The following KHDRBS2 variants were observed in gnomAD, a reference collection of about 807,000 sequenced individuals.
KHDRBS2 encodes the protein KH RNA binding domain containing, signal transduction associated 2, also known as KH domain-containing, RNA-binding, signal transduction-associated protein 2.
In KHDRBS2, 26 loss-of-function variants were observed where a neutral mutation model predicts 44.3. The observed-to-expected ratio is 0.59, with a 90% CI of 0.43 to 0.81. The LOEUF (loss-of-function observed/expected upper bound fraction) is 0.81. Among genes scored for constraint, KHDRBS2 ranks in the 40% least tolerant of loss-of-function variants. The pLI is 0.00. For missense variants in KHDRBS2, 476 were observed against 433.1 expected, an observed-to-expected ratio of 1.10 and a Z score of -0.88; for synonymous variants, 194 against 151.1, an observed-to-expected ratio of 1.28 and a Z score of -2.08.
chr6:61,634,637 A>C, the KHDRBS2 span, among the ~76,000 whole-genome samples: 1 of 152,212 alleles, frequency 6.6e-6, no homozygotes, highest in Non-Finnish European at 1.5e-5. Flanking sequence ...TTATTTTAGG[A>C]AAGCATCTAC....
At chr6:61,850,935 G>T (rs1380860836) in intron 6 of KHDRBS2, among the ~76,000 whole-genome samples, 1 of 152,054 alleles carries the variant, frequency 6.6e-6, no homozygotes, top group Non-Finnish European at 1.5e-5. Flanking sequence ...TGTTCTAGTT[G>T]GGAGAAAGTT....
the KHDRBS2 span, among the ~76,000 whole-genome samples, chr6:61,605,380 C>T: frequency 6.6e-6 from 1 of 152,306 alleles, no homozygotes; most frequent in Admixed American, 6.5e-5. Flanking sequence ...TAGCTGATAT[C>T]TCCTGGTGCT....
At chr6:61,641,726 G>GGCATA in the KHDRBS2 span, among the ~76,000 whole-genome samples, 6 of 152,078 alleles carry the variant, frequency 3.9e-5, no homozygotes, top group African/African-American at 1.4e-4. Flanking sequence ...CCTAGTCTCT[G>GGCATA]GCATAGTGGT....
chr6:61,578,866 T>C, the KHDRBS2 span, among the ~76,000 whole-genome samples: 1 of 152,174 alleles, frequency 6.6e-6, no homozygotes, highest in African/African-American at 2.4e-5. Flanking sequence ...AACATTTGGC[T>C]AGCACTTTCC....
chr6:61,544,088 T>C, the KHDRBS2 span, among the ~76,000 whole-genome samples: 11 of 152,146 alleles, frequency 7.2e-5, no homozygotes, highest in Non-Finnish European at 5.9e-5. Context: ...AGTGTACATT[T>C]AAAAATAACT....
At chr6:61,877,022 A>G (rs1799512560) in intron 6 of KHDRBS2, among the ~76,000 whole-genome samples, 1 of 152,058 alleles carries the variant, frequency 6.6e-6, no homozygotes, top group Non-Finnish European at 1.5e-5. Context: ...TTTCATAAAT[A>G]AAGTTTTACT....
At chr6:62,084,583 G>A (rs959605355) in intron 2 of KHDRBS2, among the ~76,000 whole-genome samples, 2 of 152,018 alleles carry the variant, frequency 1.3e-5, no homozygotes, top group African/African-American at 2.4e-5. Flanking sequence ...TTGTTTATGG[G>A]GCTATCTCAA....
At chr6:61,954,700 ATG>A (rs1486525807) in intron 4 of KHDRBS2, among the ~76,000 whole-genome samples, 1 of 121,014 alleles carries the variant, frequency 8.3e-6, no homozygotes, top group Admixed American at 8.3e-5. Flanking sequence ...ATACATACAT[ATG>A]TGTATATACA....
chr6:61,555,503 C>G, the KHDRBS2 span, among the ~76,000 whole-genome samples: 7 of 152,026 alleles, frequency 4.6e-5, no homozygotes, highest in Non-Finnish European at 1.0e-4. Context: ...AATTCTATTT[C>G]TGTCATTTTA....
At chr6:61,826,564 C>T (rs1288174453) in intron 6 of KHDRBS2, among the ~76,000 whole-genome samples, 2 of 151,994 alleles carry the variant, frequency 1.3e-5, no homozygotes, top group East Asian at 1.9e-4. Context: ...GAAATGGACC[C>T]TTTGTTGAGC....
chr6:62,178,235 T>C (rs748287034), intron 1 of KHDRBS2, among the ~76,000 whole-genome samples: 4 of 151,476 alleles, frequency 2.6e-5, no homozygotes, highest in Non-Finnish European at 5.9e-5. Flanking sequence ...CAGAGAAGAA[T>C]AAGCCATGAG....
At chr6:61,853,285 A>AT (rs1340430560) in intron 6 of KHDRBS2, among the ~76,000 whole-genome samples, 1 of 152,178 alleles carries the variant, frequency 6.6e-6, no homozygotes, top group Non-Finnish European at 1.5e-5. Context: ...TATTAAGGCT[A>AT]TTTTTATTTC....
chr6:61,845,796 C>G (rs1794322951), intron 6 of KHDRBS2, among the ~76,000 whole-genome samples: 1 of 152,184 alleles, frequency 6.6e-6, no homozygotes, highest in Non-Finnish European at 1.5e-5. Context: ...ATAGATGCAG[C>G]ACACCTCTTG....
chr6:61,683,465 T>C (rs1384490185), intron 8 of KHDRBS2, among the ~76,000 whole-genome samples: 4 of 151,830 alleles, frequency 2.6e-5, no homozygotes, highest in African/African-American at 9.7e-5. Context: ...TAGGGCTGAA[T>C]GTAGTGAAAG....
At chr6:61,689,946 A>G (rs911281722) in intron 8 of KHDRBS2, among the ~76,000 whole-genome samples, 2 of 151,978 alleles carry the variant, frequency 1.3e-5, no homozygotes, top group African/African-American at 4.8e-5. Flanking sequence ...GGTGGTGGTG[A>G]TAGTTTTTTA....
At chr6:61,570,597 T>A in the KHDRBS2 span, among the ~76,000 whole-genome samples, 10 of 151,924 alleles carry the variant, frequency 6.6e-5, no homozygotes, top group African/African-American at 2.4e-4. Flanking sequence ...CGGAAAAAAA[T>A]CATCACCCAG....
intron 6 of KHDRBS2, among the ~76,000 whole-genome samples, chr6:61,849,123 G>A (rs945368890): frequency 6.6e-5 from 10 of 152,012 alleles, no homozygotes; most frequent in Non-Finnish European, 1.5e-4. Flanking sequence ...TTCCTGCCTA[G>A]TGGAACAGAT....
chr6:61,607,738 A>C, the KHDRBS2 span, among the ~76,000 whole-genome samples: 1 of 152,090 alleles, frequency 6.6e-6, no homozygotes. Context: ...CCCAGGCTGG[A>C]GTGCAGTGGT....
chr6:61,837,194 TTCTA>T (rs1367186693), intron 6 of KHDRBS2, among the ~76,000 whole-genome samples: 1 of 152,052 alleles, frequency 6.6e-6, no homozygotes, highest in African/African-American at 2.4e-5. Flanking sequence ...ACGTATCTCA[TTCTA>T]TCTATCTAAT....
Sources: gnomAD v4.1 joint callset for allele counts (sites outside exome capture counted in the v4.1 genomes callset) on GRCh38, gnomAD v4.1.1 for gene constraint, MANE v1.5 for transcripts, NCBI Gene and HGNC (gene_info 2026-07-23, HGNC 2026-07-21) for gene names.